Variants in PRR5L observed in about 807,000 individuals in gnomAD.
The protein encoded by PRR5L is proline-rich protein 5-like.
PRR5L carries 21 observed loss-of-function variants against 36.4 expected under a neutral mutation model. That is an observed-to-expected ratio of 0.58 (90% confidence interval 0.41 to 0.83). The LOEUF is 0.83. Among genes scored for constraint, PRR5L ranks in the 40% least tolerant of loss-of-function variants. The probability of loss-of-function intolerance (pLI) is 0.00; values close to 1 mark genes in which losing one functional copy is unlikely to be tolerated. For synonymous variants in PRR5L, 188 were observed against 197.0 expected (o/e 0.95, Z 0.38); for missense variants, 381 against 473.3 (o/e 0.80, Z 1.81).
At chr11:36,334,408 T>C (rs1238497045) in intron 1 of PRR5L, among the ~76,000 whole-genome samples, 1 of 152,238 alleles carries the variant, frequency 6.6e-6, no homozygotes, top group African/African-American at 2.4e-5. Flanking sequence ...CTCCTGGCCA[T>C]GGCCTCCAAG....
intron 7 of PRR5L, among the ~76,000 whole-genome samples, chr11:36,447,487 G>T (rs1858854397): frequency 6.6e-6 from 1 of 152,156 alleles, no homozygotes. Context: ...CGACGAGTAG[G>T]GTTTTTGGCT....
chr11:36,297,984 G>T (rs1856331285), intron 1 of PRR5L, among the ~76,000 whole-genome samples: 1 of 152,220 alleles, frequency 6.6e-6, no homozygotes, highest in Non-Finnish European at 1.5e-5. Context: ...GGCAGGTTCT[G>T]GTGGGTGTGT....
chr11:36,350,481 TA>T lies in PRR5L; in HGVS notation c.-125-50509del, dbSNP rs1856917889. ...ATTGGTTATGAAACAGAGAACCAGT[TA>T]AAAAAAGTTCATGTTTCAGAATTTG... On this transcript the variant is annotated intron_variant, in intron 1 of 8. Coordinates refer to ENST00000530639, the MANE Select transcript of PRR5L (RefSeq NM_001160167.2). Among the ~76,000 whole-genome samples, 3 of 152,182 alleles carry T rather than the reference TA, an allele frequency of 2.0e-5. No homozygotes were observed. In the South Asian group the frequency reaches 6.2e-4, roughly 32 times the overall value.
chr11:36,332,839 C>G (rs79326869), intron 1 of PRR5L, among the ~76,000 whole-genome samples: 6,895 of 152,268 alleles, frequency 0.045, 477 homozygotes, highest in African/African-American at 0.15. Context: ...GCTGAGGCCT[C>G]ATCAGGAGCA....
intron 1 of PRR5L, among the ~76,000 whole-genome samples, chr11:36,319,526 C>T (rs1856591966): frequency 6.6e-6 from 1 of 152,208 alleles, no homozygotes; most frequent in South Asian, 2.1e-4. Flanking sequence ...AGCTACTGGT[C>T]TCTACCATTG....
At chr11:36,440,945 T>G (rs1858708757) in intron 6 of PRR5L, among the ~76,000 whole-genome samples, 1 of 151,924 alleles carries the variant, frequency 6.6e-6, no homozygotes, top group Admixed American at 6.6e-5. Context: ...CACTAAAGAG[T>G]GAGAGCTCAC....
At chr11:36,451,005 C>T (rs1307939530) in intron 7 of PRR5L, among the ~76,000 whole-genome samples, 1 of 152,246 alleles carries the variant, frequency 6.6e-6, no homozygotes, top group Non-Finnish European at 1.5e-5. Context: ...TGGTACTAAC[C>T]ATGCACAGTT....
chr11:36,439,327 G>A (rs1264161803), intron 6 of PRR5L, among the ~76,000 whole-genome samples: 1 of 152,032 alleles, frequency 6.6e-6, no homozygotes, highest in African/African-American at 2.4e-5. Flanking sequence ...AGTCAAGAGG[G>A]CAAAGGTTGG....
At chr11:36,441,397 G>T (rs1346861448) in intron 6 of PRR5L, among the ~76,000 whole-genome samples, 1 of 152,246 alleles carries the variant, frequency 6.6e-6, no homozygotes, top group Non-Finnish European at 1.5e-5. Context: ...CAGCAGAGCA[G>T]ACATTAAATC....
chr11:36,304,931 T>C (rs1856414647), intron 1 of PRR5L, among the ~76,000 whole-genome samples: 1 of 152,198 alleles, frequency 6.6e-6, no homozygotes, highest in Non-Finnish European at 1.5e-5. Flanking sequence ...CTGGTGGGAA[T>C]ATAAAATGAT....
chr11:36,307,239 A>G (rs1856444804), intron 1 of PRR5L, among the ~76,000 whole-genome samples: 1 of 152,180 alleles, frequency 6.6e-6, no homozygotes, highest in Non-Finnish European at 1.5e-5. Flanking sequence ...AATGCTTCAT[A>G]TGCCTTGTCA....
intron 1 of PRR5L, among the ~76,000 whole-genome samples, chr11:36,362,543 GC>G (rs1188786517): frequency 2.0e-5 from 3 of 152,008 alleles, no homozygotes; most frequent in African/African-American, 7.3e-5. Flanking sequence ...TAGACACTGG[GC>G]AAGCAGAATT....
At chr11:36,388,856 G>A (rs1842186583) in intron 1 of PRR5L, among the ~76,000 whole-genome samples, 1 of 152,050 alleles carries the variant, frequency 6.6e-6, no homozygotes, top group Admixed American at 6.5e-5. Context: ...CCGCCACCAA[G>A]CCCGGCTGAT....
intron 1 of PRR5L, among the ~76,000 whole-genome samples, chr11:36,351,355 T>C (rs1475135555): frequency 1.1e-5 from 1 of 87,904 alleles, no homozygotes; most frequent in East Asian, 3.6e-4. Flanking sequence ...ATATAATAAA[T>C]ATATATAAAT....
At position 36,442,799 on chromosome 11, in the gene PRR5L, C is replaced by T. The variant is rs146826499; in HGVS notation, c.445-3501C>T. 5.3e-5 allele frequency among the ~76,000 whole-genome samples: 8 copies of T among 152,288 alleles called. No individual in the cohort carries two copies. In the East Asian group the frequency reaches 1.5e-3, roughly 29 times the overall value. ...ATAACTGCCTCATTTCCACTTGAGA[C>T]CACCTCAGCCTGGCCTTTGCTGTCC... On this transcript the variant is annotated intron_variant, in intron 6 of 8. Transcript: ENST00000530639.
At position 36,378,035 on chromosome 11, in the gene PRR5L, T is replaced by G. The variant is rs182693758; in HGVS notation, c.-125-22962T>G. On this transcript the variant is annotated intron_variant, in intron 1 of 8. Coordinates refer to ENST00000530639, the MANE Select transcript of PRR5L (RefSeq NM_001160167.2). The stretch of plus-strand genomic sequence containing the variant: ...CCCTTGCTGATCAAGCCCGGGAGAC[T>G]ACCCTTTTTGACCTCTCTTTGGTGA... Among the ~76,000 whole-genome samples, 472 of 152,282 alleles carry G rather than the reference T, an allele frequency of 3.1e-3. 8 individuals carry two copies. Among genetic ancestry groups the G allele is most frequent in the Admixed American group, 0.026 (401 of 15,288 alleles).
intron 1 of PRR5L, among the ~76,000 whole-genome samples, chr11:36,374,105 C>CCTGCCTCT (rs776652107): frequency 1.0e-4 from 7 of 67,826 alleles, no homozygotes; most frequent in Non-Finnish European, 1.5e-4. Flanking sequence ...TTCCTTCCTT[C>CCTGCCTCT]CTCTCTCTCT....
At chr11:36,388,481 T>C (rs1264578086) in intron 1 of PRR5L, among the ~76,000 whole-genome samples, 1 of 152,192 alleles carries the variant, frequency 6.6e-6, no homozygotes, top group Non-Finnish European at 1.5e-5. Flanking sequence ...AAAGGGCTTA[T>C]AGAGAAAAGA....
At chr11:36,421,108 T>A (rs1016390940) in intron 4 of PRR5L, among the ~76,000 whole-genome samples, 3 of 152,348 alleles carry the variant, frequency 2.0e-5, no homozygotes, top group Admixed American at 6.5e-5. Context: ...TGATTTTTTT[T>A]AAAGCTAACT....
Sources: allele counts gnomAD v4.1 joint callset (sites outside exome capture counted in the v4.1 genomes callset), GRCh38; gene constraint gnomAD v4.1.1; transcripts MANE v1.5; gene names NCBI Gene and HGNC (gene_info 2026-07-23, HGNC 2026-07-21).